Variants in DPYSL5 observed in about 807,000 individuals in gnomAD.
DPYSL5 encodes dihydropyrimidinase-related protein 5.
A neutral mutation model predicts 58.4 loss-of-function variants in DPYSL5; 9 were observed. The observed-to-expected ratio is 0.15, with a 90% CI of 0.09 to 0.27. DPYSL5 has a LOEUF of 0.27. Ranked by LOEUF, DPYSL5 falls within the 10% of genes least tolerant of loss-of-function variation. DPYSL5 has a pLI of 1.00. For missense variants in DPYSL5, 499 were observed against 770.6 expected (o/e 0.65, Z 4.17); for synonymous variants, 293 against 301.9 (o/e 0.97, Z 0.31).
chr2:26,867,362 T>A (rs1165451929), intron 1 of DPYSL5, among the ~76,000 whole-genome samples: 1 of 152,128 alleles, frequency 6.6e-6, no homozygotes. Flanking sequence ...TAAAATTGCA[T>A]AATATCCCAT....
intron 2 of DPYSL5, among the ~76,000 whole-genome samples, chr2:26,900,369 AG>A (rs1343791819): frequency 6.6e-6 from 1 of 152,264 alleles, no homozygotes; most frequent in African/African-American, 2.4e-5. Context: ...GAAATGAAGC[AG>A]TATGTACCTT....
Position 26,942,154 on chromosome 2 carries a change from T to A in DPYSL5, c.1232+62T>A. On this transcript the variant is annotated intron_variant, in intron 10 of 12. Coordinates refer to ENST00000288699, the MANE Select transcript of DPYSL5 (RefSeq NM_020134.4). This position sits in a 1 kb window ranked among gnomAD's most constrained non-coding sequence, Gnocchi z 5.9. ...TTGGGATTTTGAAGAAGACTTGCAT[T>A]ACAGATCTCCAAAAGCATATAATTT... 6.2e-7 allele frequency: 1 copy of A among 1,601,562 alleles called. No individual in the cohort carries two copies. The highest frequency in any genetic ancestry group is 8.5e-7 in the Non-Finnish European group (1 of 1,173,786).
chr2:26,902,960 C>T (rs1664196324), intron 2 of DPYSL5, among the ~76,000 whole-genome samples: 2 of 152,116 alleles, frequency 1.3e-5, no homozygotes, highest in Admixed American at 1.3e-4. Context: ...ACGAATAATC[C>T]ACCCCTTGTT....
intron 8 of DPYSL5, 133 bp from the exon 9 acceptor site, chr2:26,939,898 C>T: frequency 8.3e-7 from 1 of 1,206,362 alleles, no homozygotes; most frequent in South Asian, 1.4e-5. Context: ...GACCACATGG[C>T]CTAAGCGGCA....
At chr2:26,918,471 A>AC (rs1006176866) in intron 2 of DPYSL5, among the ~76,000 whole-genome samples, 1 of 122,406 alleles carries the variant, frequency 8.2e-6, no homozygotes, top group African/African-American at 3.0e-5. Context: ...CGAGCTGGTT[A>AC]TTTTTTTTTT....
intron 6 of DPYSL5, among the ~76,000 whole-genome samples, chr2:26,932,899 G>A (rs1251657003): frequency 6.6e-6 from 1 of 152,156 alleles, no homozygotes; most frequent in African/African-American, 2.4e-5. Flanking sequence ...AGGTCATCAC[G>A]TTTATGAACA....
intron 1 of DPYSL5, among the ~76,000 whole-genome samples, chr2:26,888,277 C>G (rs1188041340): frequency 1.4e-5 from 2 of 143,178 alleles, no homozygotes; most frequent in Non-Finnish European, 3.1e-5. Flanking sequence ...GTCTTTCTTT[C>G]TGTCTTTCTT....
chr2:26,901,704 A>T (rs1431749279), intron 2 of DPYSL5, among the ~76,000 whole-genome samples: 5 of 152,168 alleles, frequency 3.3e-5, no homozygotes, highest in Non-Finnish European at 7.3e-5. Flanking sequence ...GGAGAGATCA[A>T]GTTGCATCTT....
chr2:26,942,186 A>G lies in DPYSL5; in HGVS notation c.1232+94A>G. 4 of 1,555,134 alleles carry G rather than the reference A, an allele frequency of 2.6e-6. No individual in the cohort carries two copies. The highest frequency in any genetic ancestry group is 2.3e-5 in the East Asian group (1 of 44,396). ...CTCCAAAAGCATATAATTTTGCACT[A>G]TTTCTAGCACAAAATATGGCCCTGG... On this transcript the variant is annotated intron_variant, in intron 10 of 12. Transcript: ENST00000288699. This position sits in a 1 kb window ranked among gnomAD's most constrained non-coding sequence, Gnocchi z 5.9.
intron 1 of DPYSL5, among the ~76,000 whole-genome samples, chr2:26,867,060 A>C (rs941024786): frequency 5.3e-5 from 8 of 152,106 alleles, no homozygotes; most frequent in African/African-American, 1.7e-4. Context: ...TCTTTGTCTC[A>C]TCATCTCCTA....
chr2:26,937,953 G>A (rs1021809603), intron 8 of DPYSL5, among the ~76,000 whole-genome samples: 8 of 151,876 alleles, frequency 5.3e-5, no homozygotes, highest in African/African-American at 7.3e-5. Context: ...TGATCCACCC[G>A]CCTCGGCCTC....
chr2:26,871,507 A>G (rs1007642965), intron 1 of DPYSL5, among the ~76,000 whole-genome samples: 2 of 152,102 alleles, frequency 1.3e-5, no homozygotes, highest in African/African-American at 4.8e-5. Context: ...CAGTGGTGCC[A>G]TCTTGGCTCA....
intron 1 of DPYSL5, among the ~76,000 whole-genome samples, chr2:26,857,175 T>G (rs1006313713): frequency 3.2e-4 from 49 of 152,124 alleles, no homozygotes; most frequent in Non-Finnish European, 4.3e-4. Context: ...TGCTTTTTAT[T>G]GTTAACTAAT....
intron 1 of DPYSL5, among the ~76,000 whole-genome samples, chr2:26,874,537 G>T (rs555749287): frequency 6.6e-6 from 1 of 152,270 alleles, no homozygotes; most frequent in Admixed American, 6.5e-5. Flanking sequence ...ATATATGTAG[G>T]TCTATTTCTA....
intron 1 of DPYSL5, among the ~76,000 whole-genome samples, chr2:26,863,052 G>A (rs1000438954): frequency 1.3e-5 from 2 of 152,188 alleles, no homozygotes; most frequent in South Asian, 2.1e-4. Flanking sequence ...CCAACACAGC[G>A]GGAGGAGAGG....
chr2:26,883,314 GC>G (rs1387312321), intron 1 of DPYSL5, among the ~76,000 whole-genome samples: 1 of 152,058 alleles, frequency 6.6e-6, no homozygotes, highest in Non-Finnish European at 1.5e-5. Context: ...AGCACTAGAT[GC>G]CTACGTACTA....
rs1168543461 is a variant in DPYSL5, at chr2:26,946,895, CT to C, written c.1610-13del. On this transcript the variant is annotated splice_polypyrimidine_tract_variant and intron_variant, in intron 12 of 12. Transcript: ENST00000288699. ...ACAAGAGCCCGTCTCACCCTCTGTG[CT>C]TCCTTCCCTGCAGGCTCTCAGATCG... 3 of 1,611,818 alleles carry C rather than the reference CT, an allele frequency of 1.9e-6. No homozygotes were observed. In the Admixed American group the frequency reaches 5.0e-5, roughly 27 times the overall value.
At chr2:26,889,565 C>T (rs982216578) in intron 1 of DPYSL5, among the ~76,000 whole-genome samples, 23 of 152,208 alleles carry the variant, frequency 1.5e-4, no homozygotes, top group African/African-American at 5.1e-4. Flanking sequence ...CCACCGCGCC[C>T]GGCCTGGAGA....
At chr2:26,882,829 C>T (rs1294205058) in intron 1 of DPYSL5, among the ~76,000 whole-genome samples, 1 of 150,668 alleles carries the variant, frequency 6.6e-6, no homozygotes, top group African/African-American at 2.4e-5. Context: ...GGGAGAATCA[C>T]TTGAACCCAG....
Sources: allele counts gnomAD v4.1 joint callset (sites outside exome capture counted in the v4.1 genomes callset), GRCh38; gene constraint gnomAD v4.1.1; non-coding constraint Gnocchi (gnomAD v3.1); transcripts MANE v1.5; gene names NCBI Gene and HGNC (gene_info 2026-07-23, HGNC 2026-07-21).